Variants in MMP26 observed in about 807,000 individuals in gnomAD.
MMP26 encodes matrix metallopeptidase 26, also known as matrix metalloproteinase-26.
MMP26 carries 33 observed loss-of-function variants against 31.0 expected under a neutral mutation model. The ratio of observed to expected loss-of-function variants is 1.06; its 90% CI spans 0.81 to 1.42. MMP26 has a LOEUF of 1.42. Among genes scored for constraint, MMP26 ranks in the 40% most tolerant of loss-of-function variants. MMP26 has a pLI of 0.00. For synonymous variants in MMP26, 122 were observed against 114.9 expected (o/e 1.06, Z -0.40); for missense variants, 347 against 316.1 (o/e 1.10, Z -0.74).
chr11:4,859,797 A>G (rs938166545), intron 2 of MMP26: 3 of 471,338 alleles, frequency 6.4e-6, no homozygotes, highest in Non-Finnish European at 1.3e-5. Flanking sequence ...CACCCATAAA[A>G]GGAACATAGA....
At chr11:4,931,851 A>G (rs1347865561) in intron 2 of MMP26, among the ~76,000 whole-genome samples, 1 of 152,014 alleles carries the variant, frequency 6.6e-6, no homozygotes, top group Non-Finnish European at 1.5e-5. Context: ...GTCTGGTGGC[A>G]AATAATAGGA....
At chr11:4,915,362 G>C (rs779365615) in intron 2 of MMP26, 1 of 1,613,896 alleles carries the variant, frequency 6.2e-7, no homozygotes, top group East Asian at 2.2e-5. Flanking sequence ...AGCAAAGCAG[G>C]CATCATGGCT....
intron 2 of MMP26, chr11:4,914,788 C>T (rs1381974089): frequency 3.7e-6 from 6 of 1,613,960 alleles, no homozygotes; most frequent in African/African-American, 2.7e-5. Context: ...CAATGGGATT[C>T]ATCACAGGAG....
At chr11:4,828,015 G>A (rs563434727) in intron 2 of MMP26, among the ~76,000 whole-genome samples, 2 of 152,212 alleles carry the variant, frequency 1.3e-5, no homozygotes, top group South Asian at 4.1e-4. Context: ...GCAAACATGA[G>A]CCATATAAAT....
At chr11:4,764,730 G>A (rs1848607318) in intron 1 of MMP26, among the ~76,000 whole-genome samples, 1 of 152,102 alleles carries the variant, frequency 6.6e-6, no homozygotes, top group African/African-American at 2.4e-5. Flanking sequence ...AAAATTAGCT[G>A]GGCGCGGTGG....
At chr11:4,923,573 G>T in intron 2 of MMP26, 2 of 1,614,100 alleles carry the variant, frequency 1.2e-6, no homozygotes, top group Non-Finnish European at 1.7e-6. Context: ...GCCAATCATG[G>T]GGATGTAGAA....
chr11:4,786,573 T>A (rs1356543198), intron 2 of MMP26, among the ~76,000 whole-genome samples: 1 of 144,132 alleles, frequency 6.9e-6, no homozygotes, highest in Non-Finnish European at 1.5e-5. Flanking sequence ...GTATGAGAAG[T>A]GCTTCAGGAG....
intron 2 of MMP26, among the ~76,000 whole-genome samples, chr11:4,948,886 A>G (rs931557870): frequency 1.6e-5 from 2 of 124,620 alleles, no homozygotes; most frequent in Admixed American, 9.0e-5. Context: ...GTTGTCAAGA[A>G]TTCTCTCCTT....
intron 2 of MMP26, among the ~76,000 whole-genome samples, chr11:4,780,192 A>G (rs1003063134): frequency 6.6e-6 from 1 of 152,110 alleles, no homozygotes; most frequent in African/African-American, 2.4e-5. Context: ...CCATGAACAC[A>G]TTTCTGTTGG....
intron 2 of MMP26, among the ~76,000 whole-genome samples, chr11:4,805,802 T>C (rs11033960): frequency 0.037 from 5,679 of 152,290 alleles, 174 homozygotes; most frequent in Admixed American, 0.095. Flanking sequence ...TGTCTGTCTC[T>C]ATTCATCTTA....
At chr11:4,917,790 AATT>A (rs1460555439) in intron 2 of MMP26, among the ~76,000 whole-genome samples, 1 of 152,054 alleles carries the variant, frequency 6.6e-6, no homozygotes, top group Admixed American at 6.6e-5. Flanking sequence ...AATAGTCTCT[AATT>A]GTTCAGTGTT....
At chr11:4,769,277 G>A (rs1316926752) in intron 2 of MMP26, 1 of 1,613,536 alleles carries the variant, frequency 6.2e-7, no homozygotes, top group Admixed American at 1.7e-5. Flanking sequence ...GACAATGCAT[G>A]GTGTATCTAT....
chr11:4,866,362 A>G (rs1348227616), intron 2 of MMP26, among the ~76,000 whole-genome samples: 1 of 152,196 alleles, frequency 6.6e-6, no homozygotes, highest in African/African-American at 2.4e-5. Flanking sequence ...GCAATTAAGA[A>G]TCTAAGGTTT....
At chr11:4,897,701 C>T (rs545403072) in intron 2 of MMP26, among the ~76,000 whole-genome samples, 19 of 151,184 alleles carry the variant, frequency 1.3e-4, no homozygotes, top group Non-Finnish European at 1.9e-4. Context: ...CCTTAGAGTA[C>T]GAATCCTTAA....
intron 4 of MMP26, 108 bp from the exon 5 acceptor site, chr11:4,990,490 A>G: frequency 9.4e-7 from 1 of 1,066,890 alleles, no homozygotes; most frequent in Non-Finnish European, 1.3e-6. Flanking sequence ...AACCAAAATG[A>G]GTCCTAAAAC....
At chr11:4,808,825 G>A (rs1488270634) in intron 2 of MMP26, among the ~76,000 whole-genome samples, 1 of 150,204 alleles carries the variant, frequency 6.7e-6, no homozygotes, top group Non-Finnish European at 1.5e-5. Context: ...TGAATTGAGA[G>A]ATGGGGACTG....
intron 2 of MMP26, among the ~76,000 whole-genome samples, chr11:4,966,728 A>G (rs1208940319): frequency 6.6e-6 from 1 of 152,088 alleles, no homozygotes; most frequent in Non-Finnish European, 1.5e-5. Flanking sequence ...ATCTGTTACG[A>G]TGTTAGTCCA....
chr11:4,971,235 G>A (rs1015444363), intron 2 of MMP26, among the ~76,000 whole-genome samples: 4 of 152,118 alleles, frequency 2.6e-5, no homozygotes, highest in Admixed American at 2.6e-4. Context: ...CCTGAACTTG[G>A]GCCTCTAACT....
chr11:4,723,101 C>G lies in MMP26; in HGVS notation c.-217+18056C>G, dbSNP rs765703535. 53 of 1,504,986 alleles carry G rather than the reference C, an allele frequency of 3.5e-5. No homozygotes were observed. The South Asian group carries it at 5.5e-4, about 16-fold the overall frequency. The allele number at this position is 1,504,986 out of a possible 1,614,324, so 93.2% of individuals were successfully genotyped here. On this transcript the variant is annotated intron_variant, in intron 1 of 7. Transcript: ENST00000380390. ...CTGTCACGGCATGTTCTGCTTGGCC[C>G]GCTGCAGGGCGGCCTCCAGCTCGGA...
Sources: allele counts gnomAD v4.1 joint callset (sites outside exome capture counted in the v4.1 genomes callset), GRCh38; gene constraint gnomAD v4.1.1; transcripts MANE v1.5; gene names NCBI Gene and HGNC (gene_info 2026-07-23, HGNC 2026-07-21).